PLB1: variants seen among roughly 807,000 people sequenced by gnomAD.
PLB1 encodes phospholipase B1, membrane-associated.
Under a neutral mutation model 227.4 loss-of-function variants are expected in PLB1, and 242 were observed. The ratio of observed to expected loss-of-function variants is 1.06; its 90% CI spans 0.96 to 1.18. PLB1 has a LOEUF of 1.18. Ranked by LOEUF, PLB1 falls within the 50% of genes most tolerant of loss-of-function variation. The probability of loss-of-function intolerance (pLI) is 0.00; values close to 1 mark genes in which losing one functional copy is unlikely to be tolerated. For missense variants in PLB1, 1,858 were observed against 1,816.3 expected (o/e 1.02, Z -0.42); for synonymous variants, 757 against 682.2 (o/e 1.11, Z -1.71).
intron 4 of PLB1, among the ~76,000 whole-genome samples, chr2:28,521,249 T>C (rs957730466): frequency 6.6e-6 from 1 of 152,232 alleles, no homozygotes; most frequent in African/African-American, 2.4e-5. Flanking sequence ...TGTACAAATA[T>C]CTGTTCAAGT....
intron 57 of PLB1, 134 bp downstream of exon 57, chr2:28,641,135 C>T (rs905144200): frequency 5.0e-6 from 4 of 794,738 alleles, no homozygotes; most frequent in Middle Eastern, 3.5e-4. Context: ...CTTCTCAAAT[C>T]CCACCTGTCC....
At chr2:28,562,807 C>T (rs1676277753) in intron 17 of PLB1, among the ~76,000 whole-genome samples, 1 of 152,106 alleles carries the variant, frequency 6.6e-6, no homozygotes, top group African/African-American at 2.4e-5. Context: ...CTTTCAGCTT[C>T]CTGTTCCTGT....
Position 28,625,092 on chromosome 2 carries a change from G to A in PLB1, c.3563G>A (p.Arg1188Gln), listed in dbSNP as rs139288359. 34 of 1,613,258 alleles carry A rather than the reference G, an allele frequency of 2.1e-5. No individual in the cohort carries two copies. In the Middle Eastern group the frequency reaches 8.2e-4, roughly 39 times the overall value. The change falls in exon 50 of 58, where the codon CGA becomes CAA. Residue 1188 changes from arginine to glutamine, a missense_variant. By Grantham distance (43) the Arg-to-Gln change is conservative. Coordinates refer to ENST00000327757, the MANE Select transcript of PLB1 (RefSeq NM_153021.5). ...GCCCAGGCCTGGGACCTGGTAGAGC[G>A]AATGAAAAACAGCCCCGTGAGTACA... The part of the protein sequence containing the change: ...MPAQAWDLVE[R>Q]MKNSPDINLE...
intron 14 of PLB1, among the ~76,000 whole-genome samples, chr2:28,547,601 A>G (rs1673492799): frequency 6.6e-6 from 1 of 152,160 alleles, no homozygotes. Flanking sequence ...AGAAGCTGTG[A>G]CTGAGCCAGA....
At position 28,643,659 on chromosome 2, in the gene PLB1, G is replaced by C. The variant is rs1690203335; in HGVS notation, c.*598G>C. On this transcript the variant is annotated 3_prime_UTR_variant, in exon 58 of 58. Transcript: ENST00000327757. ...GCCACGTGATGATGTGTAACTACTA[G>C]GGCATCAGTAGGTAAATGTGTCTGA... 6.6e-6 allele frequency: 1 copy of C among 152,238 alleles called. No individual in the cohort carries two copies. The highest frequency in any genetic ancestry group is 1.5e-5 in the Non-Finnish European group (1 of 68,056). 9.4% of individuals were successfully genotyped at this position (152,238 alleles called of 1,614,324 possible). A position where few individuals can be genotyped will look rare whatever the true frequency, so the allele number is the denominator to read the frequency against.
At chr2:28,534,738 C>A (rs1671453686) in intron 9 of PLB1, among the ~76,000 whole-genome samples, 1 of 152,066 alleles carries the variant, frequency 6.6e-6, no homozygotes, top group African/African-American at 2.4e-5. Flanking sequence ...CCTGTAGTCC[C>A]AGCTACTCGG....
At chr2:28,576,280 C>T (rs1027706063) in intron 21 of PLB1, among the ~76,000 whole-genome samples, 3 of 152,174 alleles carry the variant, frequency 2.0e-5, no homozygotes, top group Non-Finnish European at 2.9e-5. Flanking sequence ...AGCCTTGTGC[C>T]CTGCAGGCTT....
chr2:28,590,908 G>A (rs766496563), intron 29 of PLB1, among the ~76,000 whole-genome samples: 4 of 152,200 alleles, frequency 2.6e-5, no homozygotes, highest in Non-Finnish European at 5.9e-5. Context: ...AGGAAGACAG[G>A]CGCGTTCCCG....
At chr2:28,613,193 G>T (rs1189785797) in intron 43 of PLB1, among the ~76,000 whole-genome samples, 10 of 152,168 alleles carry the variant, frequency 6.6e-5, no homozygotes, top group Non-Finnish European at 1.5e-5. Context: ...CCAAAACGCT[G>T]GGAATACAGG....
At chr2:28,497,034 G>A (rs887272299) in intron 1 of PLB1, among the ~76,000 whole-genome samples, 16 of 152,198 alleles carry the variant, frequency 1.1e-4, no homozygotes, top group Admixed American at 3.3e-4. Flanking sequence ...GGAGAATGAC[G>A]ATGCTTGCTA....
At chr2:28,501,051 T>G (rs1667039350) in intron 1 of PLB1, among the ~76,000 whole-genome samples, 1 of 152,244 alleles carries the variant, frequency 6.6e-6, no homozygotes. Context: ...CTAGGAATGT[T>G]TGTTGATGCT....
At chr2:28,517,955 G>A (rs1170904289) in intron 2 of PLB1, among the ~76,000 whole-genome samples, 1 of 150,686 alleles carries the variant, frequency 6.6e-6, no homozygotes, top group African/African-American at 2.4e-5. Flanking sequence ...GCTCATGGCA[G>A]CCTTCGCCTC....
intron 8 of PLB1, 35 bp downstream of exon 8, chr2:28,529,814 G>T (rs745635990): frequency 6.2e-7 from 1 of 1,607,656 alleles, no homozygotes. Flanking sequence ...TGGCTGGGCT[G>T]CCTGGCTTTG....
rs143022418 is a variant in PLB1 at position 28,620,318 on chromosome 2, G to T, written c.3369G>T (p.Arg1123Ser). 6.2e-7 allele frequency: 1 copy of T among 1,605,216 alleles called. No individual in the cohort carries two copies. The highest frequency in any genetic ancestry group is 8.5e-7 in the Non-Finnish European group (1 of 1,175,160). The part of the protein sequence containing the change: ...NNSSDLPTSW[R>S]GLSWSIGGDG... ...CCAGTGACCTACCCACATCTTGGAG[G>T]GGACTCTCTTGGAGGTGAGGATGTT... Residue 1123 changes from arginine to serine, a missense_variant, in exon 47 of 58, where the codon AGG becomes AGT. Arg to Ser is a moderately radical substitution (Grantham distance 110). Transcript: ENST00000327757.
At chr2:28,585,592 G>T in intron 25 of PLB1, 169 bp from the exon 26 acceptor site, 1 of 607,106 alleles carries the variant, frequency 1.6e-6, no homozygotes, top group South Asian at 2.0e-5. Flanking sequence ...ATCTTCTTTA[G>T]CTTCGTTTGG....
At chr2:28,498,842 A>C (rs996081868) in intron 1 of PLB1, among the ~76,000 whole-genome samples, 1 of 152,190 alleles carries the variant, frequency 6.6e-6, no homozygotes, top group African/African-American at 2.4e-5. Context: ...TTGAATTTCC[A>C]TGTAAATTGT....
At chr2:28,510,118 C>T (rs1668066653) in intron 1 of PLB1, among the ~76,000 whole-genome samples, 1 of 152,200 alleles carries the variant, frequency 6.6e-6, no homozygotes, top group African/African-American at 2.4e-5. Flanking sequence ...CTGAAAGGAT[C>T]TAAAAGATGG....
chr2:28,556,292 C>A (rs757718526), intron 17 of PLB1, among the ~76,000 whole-genome samples: 1 of 152,166 alleles, frequency 6.6e-6, no homozygotes, highest in Non-Finnish European at 1.5e-5. Flanking sequence ...CATCAACAGG[C>A]CATGGCCCTG....
At chr2:28,498,133 A>T (rs1666687456) in intron 1 of PLB1, among the ~76,000 whole-genome samples, 1 of 151,756 alleles carries the variant, frequency 6.6e-6, no homozygotes, top group Non-Finnish European at 1.5e-5. Flanking sequence ...TCCTTCTAAA[A>T]GCTTTATAAA....
Sources: gnomAD v4.1 joint callset for allele counts (sites outside exome capture counted in the v4.1 genomes callset) on GRCh38, gnomAD v4.1.1 for gene constraint, MANE v1.5 for transcripts, NCBI Gene and HGNC (gene_info 2026-07-23, HGNC 2026-07-21) for gene names.